Variants in GRIK2 observed in about 807,000 individuals in gnomAD.
The protein encoded by GRIK2 is glutamate receptor ionotropic, kainate 2.
Under a neutral mutation model 100.3 loss-of-function variants are expected in GRIK2, and 32 were observed. The ratio of observed to expected loss-of-function variants is 0.32; its 90% CI spans 0.24 to 0.43. GRIK2 has a LOEUF of 0.43. Ranked by LOEUF, GRIK2 falls within the 20% of genes least tolerant of loss-of-function variation. The pLI, the probability that GRIK2 is intolerant of heterozygous loss-of-function variation, is 1.00. For synonymous variants in GRIK2, 417 were observed against 389.4 expected (o/e 1.07, Z -0.83); for missense variants, 843 against 1,114.9 (o/e 0.76, Z 3.47).
chr6:101,794,143 C>T (rs893273192), intron 7 of GRIK2, among the ~76,000 whole-genome samples: 3 of 152,246 alleles, frequency 2.0e-5, no homozygotes, highest in African/African-American at 7.2e-5. Context: ...AAAGGGAACT[C>T]CCTGACCCCT....
At chr6:101,562,040 A>G (rs1158991041) in intron 2 of GRIK2, among the ~76,000 whole-genome samples, 1 of 152,164 alleles carries the variant, frequency 6.6e-6, no homozygotes, top group Non-Finnish European at 1.5e-5. Flanking sequence ...TATTATCCCC[A>G]CTAACCTGAC....
At chr6:101,609,912 AAGG>A (rs575555457) in intron 2 of GRIK2, among the ~76,000 whole-genome samples, 370 of 151,864 alleles carry the variant, frequency 2.4e-3, no homozygotes, top group East Asian at 8.6e-3. Context: ...AGGCTTCTTG[AAGG>A]AGAAGATGAG....
intron 2 of GRIK2, among the ~76,000 whole-genome samples, chr6:101,440,642 A>G (rs1363972607): frequency 2.0e-5 from 3 of 152,178 alleles, no homozygotes; most frequent in Non-Finnish European, 1.5e-5. Context: ...TCCAAAAACT[A>G]TACTTTCTAG....
intron 10 of GRIK2, among the ~76,000 whole-genome samples, chr6:101,829,485 C>A (rs909623454): frequency 2.0e-5 from 3 of 151,834 alleles, no homozygotes; most frequent in Admixed American, 2.0e-4. Context: ...TGATTTTATA[C>A]CTAAAAAACC....
chr6:101,906,706 A>G (rs1788254488), intron 12 of GRIK2, among the ~76,000 whole-genome samples: 1 of 151,650 alleles, frequency 6.6e-6, no homozygotes, highest in South Asian at 2.1e-4. Context: ...CTAATGGTAT[A>G]TTTGTCTATA....
At chr6:101,708,157 A>G (rs1176234012) in intron 7 of GRIK2, among the ~76,000 whole-genome samples, 1 of 151,800 alleles carries the variant, frequency 6.6e-6, no homozygotes, top group South Asian at 2.1e-4. Flanking sequence ...TTTTCTTAGT[A>G]GATGGAATCT....
At chr6:101,607,468 G>A (rs1562257488) in intron 2 of GRIK2, among the ~76,000 whole-genome samples, 1 of 151,984 alleles carries the variant, frequency 6.6e-6, no homozygotes, top group Admixed American at 6.6e-5. Context: ...AAATGCAAAT[G>A]TTTGAAAATG....
At chr6:101,526,075 T>C (rs991874139) in intron 2 of GRIK2, among the ~76,000 whole-genome samples, 3 of 152,164 alleles carry the variant, frequency 2.0e-5, no homozygotes, top group Admixed American at 6.5e-5. Context: ...CAGAGCAGAA[T>C]TGATTCCTAG....
chr6:101,529,693 A>G (rs1421780733), intron 2 of GRIK2, among the ~76,000 whole-genome samples: 3 of 152,100 alleles, frequency 2.0e-5, no homozygotes, highest in African/African-American at 2.4e-5. Flanking sequence ...AGGAGCTTAT[A>G]TTCTATTAGG....
intron 2 of GRIK2, among the ~76,000 whole-genome samples, chr6:101,400,014 G>T (rs1000468416): frequency 3.3e-5 from 5 of 152,212 alleles, no homozygotes. Context: ...CAGGGAGGCT[G>T]CTACTTAGCT....
At chr6:101,955,576 T>TTCTCTCTCTCTCTCTCTCTC (rs60603807) in intron 14 of GRIK2, among the ~76,000 whole-genome samples, 2 of 116,346 alleles carry the variant, frequency 1.7e-5, no homozygotes, top group Admixed American at 9.3e-5. Flanking sequence ...GAGCAAGGCC[T>TTCTCTCTCTCTCTCTCTCTC]TCTCTCTCTC....
At chr6:101,926,499 AT>A (rs555140000) in intron 13 of GRIK2, among the ~76,000 whole-genome samples, 226 of 152,312 alleles carry the variant, frequency 1.5e-3, no homozygotes, top group African/African-American at 4.6e-3. Flanking sequence ...TTTTAAAAAA[AT>A]ATTTGGAGGT....
chr6:102,025,821 T>C (rs6571002), intron 14 of GRIK2, among the ~76,000 whole-genome samples: 16,246 of 150,916 alleles, frequency 0.11, 2,422 homozygotes, highest in African/African-American at 0.34. Context: ...TGGTGGTCAA[T>C]ATATATTAGA....
At chr6:102,000,663 G>A (rs1023205081) in intron 14 of GRIK2, among the ~76,000 whole-genome samples, 3 of 151,882 alleles carry the variant, frequency 2.0e-5, no homozygotes, top group Non-Finnish European at 4.4e-5. Flanking sequence ...TGAACTTATT[G>A]GTTTAATGTT....
chr6:102,051,251 C>CCCTTCCTTCTTTCCTTCCTT (rs764711100), intron 15 of GRIK2, among the ~76,000 whole-genome samples: 2,909 of 122,110 alleles, frequency 0.024, 135 homozygotes, highest in South Asian at 0.044. Context: ...TTCCCTCCCT[C>CCCTTCCTTCTTTCCTTCCTT]CCTTCCTTCC....
chr6:101,532,979 CAG>C (rs1443024900), intron 2 of GRIK2, among the ~76,000 whole-genome samples: 1 of 151,664 alleles, frequency 6.6e-6, no homozygotes, highest in East Asian at 1.9e-4. Flanking sequence ...GAAAAAGACA[CAG>C]AAGGGAGGCT....
chr6:101,748,819 A>T (rs1336451090), intron 7 of GRIK2, among the ~76,000 whole-genome samples: 1 of 74,912 alleles, frequency 1.3e-5, no homozygotes, highest in Admixed American at 1.3e-4. Context: ...ATCATAAAAC[A>T]TATATATACA....
intron 7 of GRIK2, among the ~76,000 whole-genome samples, chr6:101,702,005 A>G (rs1772933151): frequency 6.6e-6 from 1 of 152,030 alleles, no homozygotes; most frequent in South Asian, 2.1e-4. Context: ...GAGAAAACTC[A>G]CCATCAGGAG....
intron 6 of GRIK2, 92 bp from the exon 7 acceptor site, chr6:101,686,088 C>T: frequency 1.0e-6 from 1 of 969,912 alleles, no homozygotes; most frequent in Non-Finnish European, 1.5e-6. Flanking sequence ...GTTAAGTGAC[C>T]TAAAAAAAAC....
Sources: gnomAD v4.1 joint callset for allele counts (sites outside exome capture counted in the v4.1 genomes callset) on GRCh38, gnomAD v4.1.1 for gene constraint, MANE v1.5 for transcripts, NCBI Gene and HGNC (gene_info 2026-07-23, HGNC 2026-07-21) for gene names.